Variants in DNAH2 observed in about 807,000 individuals in gnomAD.
The protein encoded by DNAH2 is dynein axonemal heavy chain 2.
Under a neutral mutation model 523.5 loss-of-function variants are expected in DNAH2, and 323 were observed. That is an observed-to-expected ratio of 0.62 (90% CI 0.56 to 0.68). DNAH2 has a LOEUF of 0.68. DNAH2 is among the 30% of genes least tolerant of loss of function. DNAH2 has a pLI of 0.00. For synonymous variants in DNAH2, 2,093 were observed against 2,177.4 expected, an observed-to-expected ratio of 0.96 and a Z score of 1.08; for missense variants, 4,907 against 5,701.5, an observed-to-expected ratio of 0.86 and a Z score of 4.49.
chr17:7,812,915 C>T (rs867389976), intron 63 of DNAH2, among the ~76,000 whole-genome samples: 4 of 150,360 alleles, frequency 2.7e-5, no homozygotes, highest in East Asian at 3.9e-4. Flanking sequence ...TGAATGATTG[C>T]ACTCCAGCCT....
At position 7,819,068 on chromosome 17, in the gene DNAH2, G is replaced by A. The variant is rs764173221; in HGVS notation, c.10815+5G>A. Reference sequence around the variant, plus strand: ...AACACTGACTTGGCGCGGGAGGTAAGCTCCCGGCCCTCCAGTCCTGCCTCC... The same window carrying A: ...AACACTGACTTGGCGCGGGAGGTAAACTCCCGGCCCTCCAGTCCTGCCTCC... On this transcript the variant is annotated splice_donor_5th_base_variant and intron_variant, in intron 71 of 85. Coordinates refer to ENST00000572933, the MANE Select transcript of DNAH2 (RefSeq NM_020877.5). 1.2e-6 allele frequency: 2 copies of A among 1,602,608 alleles called. No individual in the cohort carries two copies.
In DNAH2 at chr17:7,821,225, C is replaced by A; in HGVS notation, c.11016-18C>A. ...CATTCCATGCTGCCCCTCCCTCTTC[C>A]CTGTCCCTTTCTCCCAGGTACACCT... On this transcript the variant is annotated intron_variant, in intron 72 of 85. Transcript: ENST00000572933. This position sits in a 1 kb window ranked among gnomAD's most constrained non-coding sequence, Gnocchi z 5.0. 1 of 1,610,732 alleles carries A rather than the reference C, an allele frequency of 6.2e-7. No individual in the cohort carries two copies. Among genetic ancestry groups the A allele is most frequent in the South Asian group, 1.1e-5 (1 of 90,638 alleles).
Position 7,777,995 on chromosome 17 carries a change from T to C in DNAH2, c.5248-82T>C. ...TTCACTGCAGCCTCCCTGACAACTC[T>C]GAGCCCCACTCTCAGTCATTGTCCC... On this transcript the variant is annotated intron_variant, in intron 33 of 85. Coordinates refer to ENST00000572933, the MANE Select transcript of DNAH2 (RefSeq NM_020877.5). 5 of 1,306,638 alleles carry C rather than the reference T, an allele frequency of 3.8e-6. No homozygotes were observed. In the South Asian group the frequency reaches 6.2e-5, roughly 16 times the overall value. The allele number at this position is 1,306,638 out of a possible 1,614,324, so 80.9% of individuals were successfully genotyped here.
intron 31 of DNAH2, among the ~76,000 whole-genome samples, chr17:7,776,366 C>T (rs1001602914): frequency 7.9e-5 from 12 of 151,772 alleles, no homozygotes; most frequent in South Asian, 2.1e-4. Flanking sequence ...CTCAGGAGGC[C>T]GAGGCAGAAG....
In DNAH2 at chr17:7,801,689, A is replaced by G. The variant is rs1476542764; in HGVS notation, c.8811A>G (p.Val2937=). 3 of 1,614,012 alleles carry G rather than the reference A, an allele frequency of 1.9e-6. No individual in the cohort carries two copies. Among genetic ancestry groups the G allele is most frequent in the Non-Finnish European group, 2.5e-6 (3 of 1,180,036 alleles). The change falls in exon 57 of 86, where the codon GTA becomes GTG. Residue 2937 remains valine (V), a synonymous_variant. Coordinates refer to ENST00000572933, the MANE Select transcript of DNAH2 (RefSeq NM_020877.5). ...TGGCTGAGAAGTGCCTCATAGGAGT[A>G]GACCTGGGAACTCAGGAGAATGTGA... is the stretch of plus-strand genomic sequence containing the variant. ...LEVAEKCLIG[V]DLGTQENIHR... is the part of the protein sequence containing the mutation.
Position 7,754,964 on chromosome 17 carries a change from C to G in DNAH2, c.1905-2127C>G. ...GCTATTGGTACAAATAAGCCTGAGG[C>G]AGAAAAAAAAAAAAAAAGAATAGGC... is the stretch of plus-strand genomic sequence containing the variant. On this transcript the variant is annotated intron_variant, in intron 12 of 85. Coordinates refer to ENST00000572933, the MANE Select transcript of DNAH2 (RefSeq NM_020877.5). This position sits in a 1 kb window ranked among gnomAD's most constrained non-coding sequence, Gnocchi z 4.6. The G allele has an allele frequency of 9.5e-6, 3 of 314,634 alleles. No individual in the cohort carries two copies. Among genetic ancestry groups the G allele is most frequent in the African/African-American group, 2.4e-5 (1 of 40,896 alleles). The allele number at this position is 314,634 out of a possible 1,614,324, so 19.5% of individuals were successfully genotyped here. A position where few individuals can be genotyped will look rare whatever the true frequency, so the allele number is the denominator to read the frequency against.
rs552073250 is a variant in DNAH2 at position 7,743,452 on chromosome 17, G to C, written c.1904+310G>C. On this transcript the variant is annotated intron_variant, in intron 12 of 85. Transcript: ENST00000572933. ...AGGCTGAGGTGGGCGCATCGCTTGA[G>C]CCCAGGAGTTTGAGAACAGCCTGGG... 168 of 667,346 alleles carry C rather than the reference G, an allele frequency of 2.5e-4. No individual in the cohort carries two copies. In the African/African-American group the frequency reaches 2.7e-3, roughly 11 times the overall value. The allele number at this position is 667,346 out of a possible 1,614,324, so 41.3% of individuals were successfully genotyped here. A position where few individuals can be genotyped will look rare whatever the true frequency, so the allele number is the denominator to read the frequency against.
In DNAH2 at chr17:7,779,250, C is replaced by G. The variant is rs769403376; in HGVS notation, c.5549C>G (p.Ala1850Gly). 4.3e-6 allele frequency: 7 copies of G among 1,613,988 alleles called. No homozygotes were observed. The highest frequency in any genetic ancestry group is 5.9e-6 in the Non-Finnish European group (7 of 1,180,014). The change falls in exon 36 of 86, where the codon GCT (alanine) becomes GGT (glycine). Residue 1850 changes from alanine to glycine, a missense_variant. Ala to Gly is a moderately conservative substitution (Grantham distance 60, BLOSUM62 0). This residue lies in a region of DNAH2 where 2,806 missense variants were observed against 3,190.8 expected (regional missense o/e 0.88). Coordinates refer to ENST00000572933, the MANE Select transcript of DNAH2 (RefSeq NM_020877.5). Reference protein sequence around the residue: ...RMYSGLAQTGAWGCFDEFNRI... With the variant: ...RMYSGLAQTGGWGCFDEFNRI... ...CTGCCTTGCACCCCGCAGACTGGAG[C>G]TTGGGGCTGCTTTGATGAGTTTAAC...
chr17:7,740,911 C>A lies in DNAH2; in HGVS notation c.1608C>A (p.Asp536Glu), dbSNP rs779165031. ...GTGAACGGAACAAGAAATGGCCAGA[C>A]CTGGAGCCCTACGTGGCCCAGTATT... ...VNRERNKKWP[D>E]LEPYVAQYSG... The change falls in exon 11 of 86, where the codon GAC (aspartate) becomes GAA (glutamate). Residue 536 changes from aspartate to glutamate, a missense_variant. Physicochemically the swap from Asp to Glu is conservative, Grantham distance 45 (BLOSUM62 2). This residue lies in a region of DNAH2 where 2,806 missense variants were observed against 3,190.8 expected (regional missense o/e 0.88). Transcript: ENST00000572933. 1 of 1,613,808 alleles carries A rather than the reference C, an allele frequency of 6.2e-7. No individual in the cohort carries two copies. The highest frequency in any genetic ancestry group is 1.3e-5 in the African/African-American group (1 of 74,928).
At chr17:7,739,971 G>T in intron 9 of DNAH2, 33 bp downstream of exon 9, 8 of 1,608,268 alleles carry the variant, frequency 5.0e-6, no homozygotes, top group Non-Finnish European at 6.8e-6. Flanking sequence ...CCAGGCGTGG[G>T]CAGGGAAGGC....
Position 7,767,880 on chromosome 17 carries a change from C to T in DNAH2, c.3676-20C>T, listed in dbSNP as rs547736796. ...AGAGGGCAGGTGCCACTTCATGCAA[C>T]GCGCCTTTCTGCCCTGTAGGAGCTC... On this transcript the variant is annotated intron_variant, in intron 22 of 85. Transcript: ENST00000572933. 3.0e-5 allele frequency: 49 copies of T among 1,613,704 alleles called. No homozygotes were observed. Among genetic ancestry groups the T allele is most frequent in the Admixed American group, 1.0e-4 (6 of 60,016 alleles).
intron 22 of DNAH2, among the ~76,000 whole-genome samples, chr17:7,767,015 C>T (rs1567665244): frequency 6.6e-6 from 1 of 152,002 alleles, no homozygotes; most frequent in Admixed American, 6.6e-5. Context: ...CTATCTAATT[C>T]CCAAACATTT....
chr17:7,824,608 C>A lies in DNAH2; in HGVS notation c.11734C>A (p.Gln3912Lys). Residue 3912 changes from glutamine (Q) to lysine (K), a missense_variant, in exon 77 of 86, where the codon CAG (glutamine) becomes AAG (lysine). Gln to Lys is a moderately conservative substitution (Grantham distance 53). Transcript: ENST00000572933. ...GCCTAATCTGGACAAGCTGGTGGAG[C>A]AGCTGCAGGTGGAGGATCCTCATCC... Reference protein sequence around the residue: ...WMPNLDKLVEQLQVEDPHPSF... With the variant: ...WMPNLDKLVEKLQVEDPHPSF... 2.5e-6 allele frequency: 4 copies of A among 1,607,422 alleles called. No homozygotes were observed. Among genetic ancestry groups the A allele is most frequent in the Non-Finnish European group, 3.4e-6 (4 of 1,175,394 alleles).
Position 7,786,519 on chromosome 17 carries a change from G to A in DNAH2, c.6349-51G>A. Reference sequence around the variant, plus strand: ...TACCTAAGAGGGGTCTGGAAATAAAGAGGGGTTTTTGTCCATCAGCAGCTA... The same window carrying A: ...TACCTAAGAGGGGTCTGGAAATAAAAAGGGGTTTTTGTCCATCAGCAGCTA... On this transcript the variant is annotated intron_variant, in intron 40 of 85. Coordinates refer to ENST00000572933, the MANE Select transcript of DNAH2 (RefSeq NM_020877.5). This position sits in a 1 kb window ranked among gnomAD's most constrained non-coding sequence, Gnocchi z 7.5. 1.9e-6 allele frequency: 3 copies of A among 1,550,678 alleles called. No homozygotes were observed. Among genetic ancestry groups the A allele is most frequent in the Non-Finnish European group, 2.7e-6 (3 of 1,126,334 alleles).
Position 7,754,904 on chromosome 17 carries a change from G to A in DNAH2, c.1905-2187G>A, listed in dbSNP as rs951393734. 4.4e-5 allele frequency: 25 copies of A among 573,254 alleles called. No individual in the cohort carries two copies. The East Asian group carries it at 5.5e-4, about 13-fold the overall frequency. The allele number at this position is 573,254 out of a possible 1,614,324, so 35.5% of individuals were successfully genotyped here. On this transcript the variant is annotated intron_variant, in intron 12 of 85. Coordinates refer to ENST00000572933, the MANE Select transcript of DNAH2 (RefSeq NM_020877.5). This position sits in a 1 kb window ranked among gnomAD's most constrained non-coding sequence, Gnocchi z 4.6. ...CAGAAGGACAGGTGCCACCCACCCC[G>A]GGCTGCCGTCTGCATGGGGCTGGGG...
intron 1 of DNAH2, 33 bp from the exon 2 acceptor site, chr17:7,719,688 G>T: frequency 6.2e-7 from 1 of 1,613,574 alleles, no homozygotes. Context: ...GGTGGTATCT[G>T]CTTGTAGACT....
At position 7,807,335 on chromosome 17, in the gene DNAH2, C is replaced by A. The variant is rs1262776625; in HGVS notation, c.9612+16C>A. On this transcript the variant is annotated intron_variant, in intron 62 of 85. Coordinates refer to ENST00000572933, the MANE Select transcript of DNAH2 (RefSeq NM_020877.5). The surrounding 1 kb of genome is among the most constrained non-coding windows in gnomAD (Gnocchi z 5.6). Reference sequence around the variant, plus strand: ...GGCCATGGAGGTAAAGGCGTCAGGGCTGGGGCGGGGCGGTAGGGAGGGCAG... The same window carrying A: ...GGCCATGGAGGTAAAGGCGTCAGGGATGGGGCGGGGCGGTAGGGAGGGCAG... The A allele has an allele frequency of 6.2e-7, 1 of 1,608,206 alleles. No individual in the cohort carries two copies.
Position 7,741,291 on chromosome 17 carries a change from T to TTTCTTTCTTTC in DNAH2, c.1689+304_1689+305insTCTTTCTTCTT, listed in dbSNP as rs1567624798. ...CTTTCTTTCTTTCTTTCTTTCTTTC[T>TTTCTTTCTTTC]TTCTTCCTTCCTTCCCTCCCTCCCT... On this transcript the variant is annotated intron_variant, in intron 11 of 85. Transcript: ENST00000572933. 3.8e-5 allele frequency among the ~76,000 whole-genome samples: 2 copies of TTTCTTTCTTTC among 53,122 alleles called. 1 individual carries two copies. Among genetic ancestry groups the TTTCTTTCTTTC allele is most frequent in the Non-Finnish European group, 6.5e-5 (2 of 30,628 alleles). The allele number at this position is 53,122 out of a possible 152,430, so 34.9% of individuals were successfully genotyped here. A position where few individuals can be genotyped will look rare whatever the true frequency, so the allele number is the denominator to read the frequency against.
At chr17:7,730,008 T>A (rs530234657) in intron 4 of DNAH2, among the ~76,000 whole-genome samples, 2 of 151,652 alleles carry the variant, frequency 1.3e-5, no homozygotes, top group South Asian at 4.2e-4. Context: ...GCAAGTGCAT[T>A]ACATCAAAGA....
Sources: allele counts gnomAD v4.1 joint callset (sites outside exome capture counted in the v4.1 genomes callset), GRCh38; gene constraint gnomAD v4.1.1; regional missense constraint gnomAD v4.1.1; non-coding constraint Gnocchi (gnomAD v3.1); transcripts MANE v1.5; gene names NCBI Gene and HGNC (gene_info 2026-07-23, HGNC 2026-07-21).